DLGAP1: variants seen among roughly 807,000 people sequenced by gnomAD.
DLGAP1 encodes DLG associated protein 1.
In DLGAP1, 11 loss-of-function variants were observed where a neutral mutation model predicts 90.8. The ratio of observed to expected loss-of-function variants is 0.12; its 90% confidence interval spans 0.08 to 0.20. The LOEUF (loss-of-function observed/expected upper bound fraction) is 0.20, where lower values mean the gene tolerates loss of function less well. Ranked by LOEUF, DLGAP1 falls within the 10% of genes least tolerant of loss-of-function variation. The pLI is 1.00. For missense variants in DLGAP1, 1,050 were observed against 1,333.8 expected (o/e 0.79, Z 3.31); for synonymous variants, 558 against 540.7 (o/e 1.03, Z -0.44).
At chr18:3,554,588 G>A (rs75078435) in intron 9 of DLGAP1, among the ~76,000 whole-genome samples, 3,023 of 152,306 alleles carry the variant, frequency 0.02, 125 homozygotes, top group African/African-American at 0.07. Flanking sequence ...GCGATCCATG[G>A]CATTTTGAGA....
chr18:3,711,816 G>C lies in DLGAP1; in HGVS notation c.1591+17319C>G, dbSNP rs2061605022. On this transcript the variant is annotated intron_variant, in intron 7 of 12. Coordinates refer to ENST00000315677, the MANE Select transcript of DLGAP1 (RefSeq NM_004746.4). This position sits in a 1 kb window ranked among gnomAD's most constrained non-coding sequence, Gnocchi z 4.0. ...ATCATGCCACTGCACTCCAGTCTGG[G>C]CAACAGAGTGAGACCTTGTCTCAAA... Among the ~76,000 whole-genome samples, 1 of 152,116 alleles carries C rather than the reference G, an allele frequency of 6.6e-6. No individual in the cohort carries two copies. Among genetic ancestry groups the C allele is most frequent in the Non-Finnish European group, 1.5e-5 (1 of 68,016 alleles).
At chr18:4,431,825 A>G (rs1169081801) in intron 1 of DLGAP1, among the ~76,000 whole-genome samples, 2 of 152,196 alleles carry the variant, frequency 1.3e-5, no homozygotes, top group African/African-American at 4.8e-5. Context: ...GTAGAATCCC[A>G]CCTGCTGGAT....
intron 6 of DLGAP1, among the ~76,000 whole-genome samples, chr18:3,736,639 T>C (rs1464403219): frequency 2.0e-5 from 3 of 152,224 alleles, no homozygotes; most frequent in African/African-American, 4.8e-5. Flanking sequence ...TACAGTAGCA[T>C]TGCTTTGAAG....
intron 1 of DLGAP1, among the ~76,000 whole-genome samples, chr18:4,377,710 AAAG>A (rs1464240601): frequency 6.6e-6 from 1 of 152,138 alleles, no homozygotes; most frequent in Non-Finnish European, 1.5e-5. Flanking sequence ...TTCACTTTGA[AAAG>A]AAGCCAAAAA....
intron 2 of DLGAP1, among the ~76,000 whole-genome samples, chr18:4,115,509 G>A (rs186281947): frequency 3.8e-5 from 4 of 105,782 alleles, no homozygotes; most frequent in South Asian, 2.8e-4. Flanking sequence ...TTTTTGAGAC[G>A]GAGTCTTGCT....
chr18:4,308,276 T>A (rs2080313217), intron 1 of DLGAP1, among the ~76,000 whole-genome samples: 1 of 152,196 alleles, frequency 6.6e-6, no homozygotes, highest in Non-Finnish European at 1.5e-5. Context: ...TCTGCAACCA[T>A]GCAGAGGTAC....
chr18:4,131,531 G>T lies in DLGAP1; in HGVS notation c.-159+19649C>A, dbSNP rs372003945. Among the ~76,000 whole-genome samples, 147 of 152,238 alleles carry T rather than the reference G, an allele frequency of 9.7e-4. 1 individual carries two copies. Among genetic ancestry groups the T allele is most frequent in the African/African-American group, 3.5e-3 (146 of 41,542 alleles). On this transcript the variant is annotated intron_variant, in intron 2 of 12. Transcript: ENST00000315677. ...GACAATACATAAGAGAACAGGTGTGGCTGTGTCTCAGTAAAGCTTTATTTA... is the reference window on the plus strand; with the variant it reads ...GACAATACATAAGAGAACAGGTGTGTCTGTGTCTCAGTAAAGCTTTATTTA...
chr18:4,056,797 T>C (rs1473890822), intron 2 of DLGAP1, among the ~76,000 whole-genome samples: 2 of 152,122 alleles, frequency 1.3e-5, no homozygotes, highest in Admixed American at 6.5e-5. Context: ...CCCAGGAAAG[T>C]ACCTCTAATG....
intron 2 of DLGAP1, among the ~76,000 whole-genome samples, chr18:4,139,357 C>T (rs989564785): frequency 1.3e-5 from 2 of 151,870 alleles, no homozygotes; most frequent in Non-Finnish European, 2.9e-5. Flanking sequence ...TTTAAATTTT[C>T]TTCTCAATTT....
At chr18:4,370,106 TA>T (rs2081883874) in intron 1 of DLGAP1, among the ~76,000 whole-genome samples, 3 of 152,076 alleles carry the variant, frequency 2.0e-5, no homozygotes, top group African/African-American at 7.2e-5. Context: ...AATAAGGCTA[TA>T]GGTGAGGGGT....
At chr18:3,937,159 T>C (rs181252918) in intron 3 of DLGAP1, among the ~76,000 whole-genome samples, 2 of 152,360 alleles carry the variant, frequency 1.3e-5, no homozygotes, top group East Asian at 1.9e-4. Context: ...GCTTTCAAGC[T>C]ACTACATTGC....
intron 5 of DLGAP1, among the ~76,000 whole-genome samples, chr18:3,750,528 C>T (rs2063455291): frequency 6.6e-6 from 1 of 152,152 alleles, no homozygotes; most frequent in Non-Finnish European, 1.5e-5. Flanking sequence ...ATATTCAGTT[C>T]TTGCCTCTCT....
chr18:4,418,561 G>C (rs2082956494), intron 1 of DLGAP1, among the ~76,000 whole-genome samples: 1 of 152,134 alleles, frequency 6.6e-6, no homozygotes, highest in Non-Finnish European at 1.5e-5. Context: ...CACTGTAACA[G>C]AGACGAAGAA....
intron 7 of DLGAP1, among the ~76,000 whole-genome samples, chr18:3,651,781 T>C (rs551769057): frequency 2.0e-5 from 3 of 152,274 alleles, no homozygotes; most frequent in Non-Finnish European, 2.9e-5. Flanking sequence ...GAGACCAGCC[T>C]GGCTAACATG....
chr18:3,510,092 C>A (rs533102927), intron 10 of DLGAP1, among the ~76,000 whole-genome samples: 15 of 146,938 alleles, frequency 1.0e-4, no homozygotes, highest in Admixed American at 6.8e-5. Flanking sequence ...TCCTTTTCCT[C>A]TTTAACTAAT....
At chr18:3,884,689 AGT>A (rs2071264283) in intron 3 of DLGAP1, among the ~76,000 whole-genome samples, 1 of 152,216 alleles carries the variant, frequency 6.6e-6, no homozygotes, top group Non-Finnish European at 1.5e-5. Flanking sequence ...AATCATACAC[AGT>A]GTGTTTTTTA....
At chr18:4,136,108 C>A (rs1233885173) in intron 2 of DLGAP1, among the ~76,000 whole-genome samples, 1 of 151,656 alleles carries the variant, frequency 6.6e-6, no homozygotes, top group Admixed American at 6.6e-5. Flanking sequence ...TGAGTGAGAA[C>A]ATGCGACATA....
At chr18:3,648,285 T>TG (rs2059188073) in intron 7 of DLGAP1, among the ~76,000 whole-genome samples, 1 of 152,248 alleles carries the variant, frequency 6.6e-6, no homozygotes, top group African/African-American at 2.4e-5. Flanking sequence ...CCATAACGTA[T>TG]GCTCTTTCAA....
intron 1 of DLGAP1, among the ~76,000 whole-genome samples, chr18:4,246,903 A>G (rs2078664052): frequency 6.6e-6 from 1 of 152,208 alleles, no homozygotes; most frequent in African/African-American, 2.4e-5. Context: ...AATGGGAATA[A>G]GATACCAATT....
Sources: gnomAD v4.1 joint callset for allele counts (sites outside exome capture counted in the v4.1 genomes callset) on GRCh38, gnomAD v4.1.1 for gene constraint, Gnocchi (gnomAD v3.1) non-coding constraint, MANE v1.5 for transcripts, NCBI Gene and HGNC (gene_info 2026-07-23, HGNC 2026-07-21) for gene names.